Variants in FAM199X observed in about 807,000 individuals in gnomAD.
FAM199X encodes the protein protein FAM199X.
In FAM199X, 4 loss-of-function variants were observed where a neutral mutation model predicts 22.9. That is an observed-to-expected ratio of 0.17 (90% CI 0.09 to 0.40). The LOEUF (loss-of-function observed/expected upper bound fraction) is 0.40. Ranked by LOEUF, FAM199X falls within the 10% of genes least tolerant of loss-of-function variation. The pLI, the probability that FAM199X is intolerant of heterozygous loss-of-function variation, is 1.00. For synonymous variants in FAM199X, 101 were observed against 112.3 expected (o/e 0.90, Z 0.64); for missense variants, 183 against 306.8 (o/e 0.60, Z 3.01).
At chrX:104,164,684 C>T (rs996220052), upstream of FAM199X, among the ~76,000 whole-genome samples, 25 of 110,507 alleles carry the variant, frequency 2.3e-4, no homozygotes, top group African/African-American at 8.3e-4. Flanking sequence ...AGTTCGAAAC[C>T]AGCCTGGCAA....
rs781928511 is a variant in FAM199X, at chrX:104,189,295, A to T, written c.997-313A>T. 8.1e-5 allele frequency among the ~76,000 whole-genome samples: 9 copies of T among 111,065 alleles called. No individual in the cohort carries two copies. In the South Asian group the frequency reaches 3.4e-3, roughly 41 times the overall value. On this transcript the variant is annotated intron_variant, in intron 5 of 5. Transcript: ENST00000493442. ...GCCTAGTATTAATTATGTGTTCATT[A>T]TGCATTTGTACCAATGTACCTTAAT...
intron 2 of FAM199X, among the ~76,000 whole-genome samples, chrX:104,178,813 G>A (rs929556374): frequency 9.0e-6 from 1 of 111,695 alleles, no homozygotes; most frequent in Non-Finnish European, 1.9e-5. Context: ...TTGAAATTGA[G>A]ATGTGTTAGT....
chrX:104,161,781 C>T (rs1921050761), upstream of FAM199X, among the ~76,000 whole-genome samples: 1 of 109,921 alleles, frequency 9.1e-6, no homozygotes, highest in Non-Finnish European at 1.9e-5. Flanking sequence ...GTGGAGGTTG[C>T]AGTGAGCCAA....
chrX:104,162,486 T>C (rs1210846303), upstream of FAM199X, among the ~76,000 whole-genome samples: 2 of 111,843 alleles, frequency 1.8e-5, no homozygotes, highest in Non-Finnish European at 3.8e-5. Flanking sequence ...ACAGAAACGA[T>C]CCATAATTTC....
the FAM199X span, among the ~76,000 whole-genome samples, chrX:104,158,978 A>G: frequency 8.9e-6 from 1 of 112,032 alleles, no homozygotes; most frequent in Admixed American, 9.5e-5. Flanking sequence ...CCAACACCCA[A>G]CGATAGCACA....
Position 104,167,028 on chromosome X carries a change from C to T in FAM199X, c.197+46C>T, listed in dbSNP as rs781901070. 6 of 1,052,216 alleles carry T rather than the reference C, an allele frequency of 5.7e-6. No individual in the cohort carries two copies. In the East Asian group the frequency reaches 1.8e-4, roughly 32 times the overall value. 86.7% of individuals were successfully genotyped at this position (1,052,216 alleles called of 1,213,427 possible). A position where few individuals can be genotyped will look rare whatever the true frequency, so the allele number is the denominator to read the frequency against. On this transcript the variant is annotated intron_variant, in intron 1 of 5. Coordinates refer to ENST00000493442, the MANE Select transcript of FAM199X (RefSeq NM_207318.4). Reference sequence around the variant, plus strand: ...CAGGGGTGGATTTTCCACTTCTGGTCGCCCCCCGCTCCTGATCCTTCGTCC... The same window carrying T: ...CAGGGGTGGATTTTCCACTTCTGGTTGCCCCCCGCTCCTGATCCTTCGTCC...
At chrX:104,170,843 C>T (rs782531973) in intron 1 of FAM199X, among the ~76,000 whole-genome samples, 2 of 111,290 alleles carry the variant, frequency 1.8e-5, no homozygotes, top group Non-Finnish European at 3.8e-5. Flanking sequence ...AAGTAGGGAA[C>T]TTAAGTGGGT....
the FAM199X span, among the ~76,000 whole-genome samples, chrX:104,158,905 A>G: frequency 8.9e-6 from 1 of 111,857 alleles, no homozygotes; most frequent in South Asian, 3.7e-4. Flanking sequence ...CCATCACTCC[A>G]CACCTAGGAA....
At chrX:104,163,142 C>A, upstream of FAM199X, among the ~76,000 whole-genome samples, 1 of 103,196 alleles carries the variant, frequency 9.7e-6, no homozygotes, top group Admixed American at 1.0e-4. Context: ...ACACACACTT[C>A]GAGCTCATCA....
intron 1 of FAM199X, among the ~76,000 whole-genome samples, chrX:104,170,218 TC>T (rs1556375092): frequency 8.9e-6 from 1 of 112,096 alleles, no homozygotes; most frequent in South Asian, 3.7e-4. Flanking sequence ...CCGTTTTCAA[TC>T]ACCATTAACC....
intron 1 of FAM199X, among the ~76,000 whole-genome samples, chrX:104,172,514 C>T (rs1411148203): frequency 9.0e-6 from 1 of 110,764 alleles, no homozygotes; most frequent in Non-Finnish European, 1.9e-5. Context: ...AATTATGAGC[C>T]CGGTTTACTT....
the FAM199X span, among the ~76,000 whole-genome samples, chrX:104,157,458 T>A: frequency 1.8e-5 from 2 of 111,593 alleles, no homozygotes; most frequent in Non-Finnish European, 3.8e-5. Context: ...GAATCCCCAC[T>A]GTACCACTAT....
At chrX:104,185,062 ATTTTTTTTTTTTTT>A (rs782075983) in intron 2 of FAM199X, among the ~76,000 whole-genome samples, 1 of 77,954 alleles carries the variant, frequency 1.3e-5, no homozygotes, top group Admixed American at 1.5e-4. Flanking sequence ...AGGCATGATA[ATTTTTTTTTTTTTT>A]TTTTTTTTTT....
chrX:104,157,283 T>G, the FAM199X span, among the ~76,000 whole-genome samples: 1 of 112,173 alleles, frequency 8.9e-6, no homozygotes, highest in Non-Finnish European at 1.9e-5. Context: ...TGATGACGCC[T>G]TTAAGCTGCT....
Position 104,194,315 on chromosome X carries a change from G to A in FAM199X, c.*4537G>A, listed in dbSNP as rs1431383960. On this transcript the variant is annotated 3_prime_UTR_variant, in exon 6 of 6. Coordinates refer to ENST00000493442, the MANE Select transcript of FAM199X (RefSeq NM_207318.4). ...TGTTCATTTTTGTGGTGAGGGATGG[G>A]GGTGAAAAAGGGGAGACTTGCTCTA... 2.7e-5 allele frequency: 3 copies of A among 111,311 alleles called. No homozygotes were observed. The highest frequency in any genetic ancestry group is 2.8e-4 in the East Asian group (1 of 3,568). The allele number at this position is 111,311 out of a possible 1,213,427, so 9.2% of individuals were successfully genotyped here.
Position 104,175,629 on chromosome X carries a change from C to A in FAM199X, c.204C>A (p.Asn68Lys). 8.3e-7 allele frequency: 1 copy of A among 1,207,360 alleles called. No individual in the cohort carries two copies. Among genetic ancestry groups the A allele is most frequent in the African/African-American group, 1.7e-5 (1 of 57,683 alleles). ...PLHRFHTNRW[N>K]LTSCGTSVAS... The stretch of plus-strand genomic sequence containing the variant: ...TCGTGTTGTGTTTTTGAAGGTGGAA[C>A]CTAACTTCTTGTGGAACAAGTGTTG... The change falls in exon 2 of 6, where the codon AAC becomes AAA. Residue 68 changes from asparagine to lysine, a missense_variant. Around this residue, in one of 2 missense-constraint regions of FAM199X, gnomAD observed 55 missense variants for 60.6 expected, o/e 0.91. Coordinates refer to ENST00000493442, the MANE Select transcript of FAM199X (RefSeq NM_207318.4).
At chrX:104,163,643 G>A (rs966826852), upstream of FAM199X, among the ~76,000 whole-genome samples, 8 of 109,740 alleles carry the variant, frequency 7.3e-5, no homozygotes, top group South Asian at 3.9e-4. Flanking sequence ...ACTGCTATCC[G>A]TGTCTATGTC....
upstream of FAM199X, among the ~76,000 whole-genome samples, chrX:104,163,095 TACACACACACACAC>T (rs35140355): frequency 0.32 from 30,118 of 94,984 alleles, 3,550 homozygotes; most frequent in East Asian, 0.52. Context: ...CTCAGCTAAA[TACACACACACACAC>T]ACACACACAC....
Position 104,195,628 on chromosome X carries a change from G to T in FAM199X, c.*5850G>T, listed in dbSNP as rs782514117. Reference sequence around the variant, plus strand: ...AGAAGAAATGTCTGAGCAGTTCTATGTATGGAGGAGCAATTCAGCTTTTCA... The same window carrying T: ...AGAAGAAATGTCTGAGCAGTTCTATTTATGGAGGAGCAATTCAGCTTTTCA... On this transcript the variant is annotated 3_prime_UTR_variant, in exon 6 of 6. Coordinates refer to ENST00000493442, the MANE Select transcript of FAM199X (RefSeq NM_207318.4). The T allele has an allele frequency of 9.0e-6, 1 of 111,317 alleles. No homozygotes were observed. Among genetic ancestry groups the T allele is most frequent in the East Asian group, 2.8e-4 (1 of 3,518 alleles). 9.2% of individuals were successfully genotyped at this position (111,317 alleles called of 1,213,427 possible).
Sources: allele counts gnomAD v4.1 joint callset (sites outside exome capture counted in the v4.1 genomes callset), GRCh38; gene constraint gnomAD v4.1.1; regional missense constraint gnomAD v4.1.1; transcripts MANE v1.5; gene names NCBI Gene and HGNC (gene_info 2026-07-23, HGNC 2026-07-21).